Variants in DACH2 observed in about 807,000 individuals in gnomAD.
The protein encoded by DACH2 is dachshund homolog 2.
Under a neutral mutation model 35.8 loss-of-function variants are expected in DACH2, and 17 were observed. The ratio of observed to expected loss-of-function variants is 0.48; its 90% CI spans 0.33 to 0.71. The LOEUF is 0.71. Ranked by LOEUF, DACH2 falls within the 30% of genes least tolerant of loss-of-function variation. The pLI, the probability that DACH2 is intolerant of heterozygous loss-of-function variation, is 0.02. For synonymous variants in DACH2, 195 were observed against 177.3 expected, an observed-to-expected ratio of 1.10 and a Z score of -0.79; for missense variants, 469 against 472.7, an observed-to-expected ratio of 0.99 and a Z score of 0.07.
At chrX:86,354,158 G>A (rs1207185357) in intron 1 of DACH2, among the ~76,000 whole-genome samples, 2 of 18,347 alleles carry the variant, frequency 1.1e-4, no homozygotes, top group African/African-American at 4.9e-4. Context: ...TCATTAAAAA[G>A]TCAGGAAACA....
Position 86,585,111 on chromosome X carries a change from T to G in DACH2, c.641-65925T>G, listed in dbSNP as rs1459664175. On this transcript the variant is annotated intron_variant, in intron 3 of 11. Transcript: ENST00000373125. ...ATTGTGAATAGTGCTGTGATCAACATACGCATGCATGTGTCTTTTTGGTAG... is the reference window on the plus strand; with the variant it reads ...ATTGTGAATAGTGCTGTGATCAACAGACGCATGCATGTGTCTTTTTGGTAG... Among the ~76,000 whole-genome samples, 3 of 110,913 alleles carry G rather than the reference T, an allele frequency of 2.7e-5. No homozygotes were observed. In the Admixed American group the frequency reaches 2.9e-4, roughly 11 times the overall value.
intron 3 of DACH2, among the ~76,000 whole-genome samples, chrX:86,629,838 G>T (rs373759659): frequency 2.7e-4 from 30 of 111,149 alleles, no homozygotes; most frequent in East Asian, 2.5e-3. Flanking sequence ...TTGTGCCACT[G>T]CACTCCAGCC....
At chrX:86,704,748 T>C (rs541500050) in intron 5 of DACH2, among the ~76,000 whole-genome samples, 2 of 110,556 alleles carry the variant, frequency 1.8e-5, no homozygotes, top group African/African-American at 6.6e-5. Flanking sequence ...CAAAACATAA[T>C]AGATATTGGT....
At chrX:86,161,493 C>A (rs2030753759) in intron 1 of DACH2, 2 of 352,725 alleles carry the variant, frequency 5.7e-6, no homozygotes, top group Non-Finnish European at 9.7e-6. Context: ...ATAAAAATTT[C>A]TTGACACCAG....
chrX:86,479,113 G>C (rs2037895497), intron 2 of DACH2, among the ~76,000 whole-genome samples: 1 of 110,967 alleles, frequency 9.0e-6, no homozygotes, highest in African/African-American at 3.3e-5. Context: ...TCCTCTGACT[G>C]AATTCCCCTC....
intron 7 of DACH2, 85 bp from the exon 8 acceptor site, chrX:86,812,771 T>G (rs936511631): frequency 2.2e-5 from 14 of 631,686 alleles, no homozygotes; most frequent in South Asian, 5.3e-5. Context: ...AAACAAAATC[T>G]TTATAGATGC....
chrX:86,626,339 C>G (rs1220750846), intron 3 of DACH2, among the ~76,000 whole-genome samples: 1 of 112,715 alleles, frequency 8.9e-6, no homozygotes, highest in Non-Finnish European at 1.9e-5. Context: ...CAGCTCCACC[C>G]CTGTGGCTCA....
chrX:86,617,509 C>T (rs1011640488), intron 3 of DACH2, among the ~76,000 whole-genome samples: 1 of 111,056 alleles, frequency 9.0e-6, no homozygotes, highest in Non-Finnish European at 1.9e-5. Flanking sequence ...CAGCTGTATT[C>T]CTAGGTATTT....
chrX:86,453,073 T>C (rs1368329043), intron 2 of DACH2, among the ~76,000 whole-genome samples: 1 of 111,837 alleles, frequency 8.9e-6, no homozygotes, highest in Non-Finnish European at 1.9e-5. Context: ...TTTCATTATT[T>C]ACCCCAGAGT....
chrX:86,185,275 A>G (rs2031648667), intron 1 of DACH2, among the ~76,000 whole-genome samples: 1 of 112,030 alleles, frequency 8.9e-6, no homozygotes, highest in South Asian at 3.7e-4. Flanking sequence ...TCCAGTGGCA[A>G]CAATATATGC....
At chrX:86,264,064 T>C (rs1220951979) in intron 1 of DACH2, among the ~76,000 whole-genome samples, 1 of 112,021 alleles carries the variant, frequency 8.9e-6, no homozygotes, top group Non-Finnish European at 1.9e-5. Context: ...TTCTTCTACA[T>C]TGCTTTTTAG....
chrX:86,661,429 C>T (rs1382754767), intron 4 of DACH2, among the ~76,000 whole-genome samples: 2 of 112,547 alleles, frequency 1.8e-5, no homozygotes, highest in Non-Finnish European at 3.8e-5. Flanking sequence ...TAAATGGAAT[C>T]ATACAATACG....
intron 1 of DACH2, among the ~76,000 whole-genome samples, chrX:86,166,118 C>G (rs755833421): frequency 9.0e-6 from 1 of 111,012 alleles, no homozygotes; most frequent in African/African-American, 3.3e-5. Context: ...ATTTTTGGCA[C>G]CTTTGTTGAA....
chrX:86,555,177 C>T (rs1163720266), intron 3 of DACH2, among the ~76,000 whole-genome samples: 3 of 111,608 alleles, frequency 2.7e-5, no homozygotes, highest in South Asian at 3.7e-4. Flanking sequence ...TCTTAAGTAA[C>T]GCCACAGGAT....
intron 2 of DACH2, among the ~76,000 whole-genome samples, chrX:86,442,599 G>A (rs2037187471): frequency 9.2e-6 from 1 of 108,515 alleles, no homozygotes; most frequent in African/African-American, 3.4e-5. Context: ...TATTCTTTTG[G>A]GGTCTTATCC....
chrX:86,689,710 CTT>C (rs778657017), intron 4 of DACH2, among the ~76,000 whole-genome samples: 1 of 111,767 alleles, frequency 8.9e-6, no homozygotes, highest in African/African-American at 3.2e-5. Flanking sequence ...AATAATCTGA[CTT>C]ATATGTTTTG....
At chrX:86,298,138 T>C (rs1195889384) in intron 1 of DACH2, among the ~76,000 whole-genome samples, 1 of 111,840 alleles carries the variant, frequency 8.9e-6, no homozygotes, top group East Asian at 2.8e-4. Flanking sequence ...GGTTTTGCTT[T>C]AGAGCCCTAG....
At chrX:86,395,114 T>C (rs966500432) in intron 2 of DACH2, among the ~76,000 whole-genome samples, 1 of 111,510 alleles carries the variant, frequency 9.0e-6, no homozygotes, top group Non-Finnish European at 1.9e-5. Context: ...GGCAGTATCA[T>C]AAACGAATCT....
chrX:86,282,384 CA>C (rs1195663374), intron 1 of DACH2, among the ~76,000 whole-genome samples: 1 of 111,178 alleles, frequency 9.0e-6, no homozygotes, highest in Admixed American at 9.6e-5. Context: ...ACAAACCTGA[CA>C]AAAACAAGCA....
Sources: gnomAD v4.1 joint callset for allele counts (sites outside exome capture counted in the v4.1 genomes callset) on GRCh38, gnomAD v4.1.1 for gene constraint, MANE v1.5 for transcripts, NCBI Gene and HGNC (gene_info 2026-07-23, HGNC 2026-07-21) for gene names.